The following CACNG3 variants were observed in gnomAD, a reference collection of about 807,000 sequenced individuals.
CACNG3 encodes voltage-dependent calcium channel gamma-3 subunit.
CACNG3 carries 3 observed loss-of-function variants against 28.5 expected under a neutral mutation model. The observed-to-expected ratio is 0.11, with a 90% confidence interval of 0.05 to 0.27. The LOEUF (loss-of-function observed/expected upper bound fraction) is 0.27. CACNG3 is among the 10% of genes least tolerant of loss of function. The pLI is 1.00. For missense variants in CACNG3, 236 were observed against 414.4 expected (o/e 0.57, Z 3.74); for synonymous variants, 174 against 162.2 (o/e 1.07, Z -0.55).
chr16:24,340,195 C>T (rs939902158), intron 1 of CACNG3, among the ~76,000 whole-genome samples: 1 of 152,024 alleles, frequency 6.6e-6, no homozygotes, highest in Non-Finnish European at 1.5e-5. Context: ...CGCTTGAACC[C>T]AGGAGTTCAA....
intron 1 of CACNG3, among the ~76,000 whole-genome samples, chr16:24,274,559 C>A (rs931888910): frequency 2.6e-5 from 4 of 152,074 alleles, no homozygotes; most frequent in Non-Finnish European, 5.9e-5. Context: ...TCTTTAGGAG[C>A]CTTAGGGAAG....
chr16:24,361,219 T>C lies in CACNG3; in HGVS notation c.437-133T>C, dbSNP rs1434505788. Reference sequence around the variant, plus strand: ...GACCATGCAAGAAGAACTAGGTGGTTGGATTTCCCAGCTATAATCCATTCT... The same window carrying C: ...GACCATGCAAGAAGAACTAGGTGGTCGGATTTCCCAGCTATAATCCATTCT... On this transcript the variant is annotated intron_variant, in intron 3 of 3. Transcript: ENST00000005284. The surrounding 1 kb of genome is among the most constrained non-coding windows in gnomAD (Gnocchi z 6.8). 1 of 708,324 alleles carries C rather than the reference T, an allele frequency of 1.4e-6. No individual in the cohort carries two copies. The allele number at this position is 708,324 out of a possible 1,614,324, so 43.9% of individuals were successfully genotyped here.
Position 24,267,256 on chromosome 16 carries a change from G to A in CACNG3, c.211+10291G>A, listed in dbSNP as rs184654613. 1.1e-4 allele frequency among the ~76,000 whole-genome samples: 17 copies of A among 152,060 alleles called. No individual in the cohort carries two copies. In the East Asian group the frequency reaches 1.5e-3, roughly 14 times the overall value. On this transcript the variant is annotated intron_variant, in intron 1 of 3. Transcript: ENST00000005284. Reference sequence around the variant, plus strand: ...GCTGGGATTACAGGTTTGAGCCACCGCACCTGGCCTATTTTTAATTTCTTA... The same window carrying A: ...GCTGGGATTACAGGTTTGAGCCACCACACCTGGCCTATTTTTAATTTCTTA...
At chr16:24,331,275 A>G (rs1030287944) in intron 1 of CACNG3, among the ~76,000 whole-genome samples, 3 of 152,200 alleles carry the variant, frequency 2.0e-5, no homozygotes, top group Admixed American at 6.5e-5. Flanking sequence ...AACACATTCA[A>G]TGGGCCGATC....
At chr16:24,339,744 CA>C (rs1433847183) in intron 1 of CACNG3, among the ~76,000 whole-genome samples, 2 of 152,160 alleles carry the variant, frequency 1.3e-5, no homozygotes, top group African/African-American at 4.8e-5. Flanking sequence ...AATTTTACTC[CA>C]TTTTTTTTCT....
At chr16:24,292,607 T>TCTCTCC (rs1433890909) in intron 1 of CACNG3, among the ~76,000 whole-genome samples, 5 of 152,074 alleles carry the variant, frequency 3.3e-5, no homozygotes, top group African/African-American at 9.7e-5. Flanking sequence ...CTGCCCAGAC[T>TCTCTCC]CTCTCCCTCT....
At chr16:24,332,954 G>A (rs539992585) in intron 1 of CACNG3, among the ~76,000 whole-genome samples, 58 of 152,290 alleles carry the variant, frequency 3.8e-4, no homozygotes, top group Admixed American at 2.5e-3. Context: ...CTGCTGGAGG[G>A]ACACAAGCTA....
At chr16:24,343,378 G>C (rs919153506) in intron 1 of CACNG3, among the ~76,000 whole-genome samples, 2 of 152,108 alleles carry the variant, frequency 1.3e-5, no homozygotes, top group Admixed American at 6.6e-5. Flanking sequence ...ATTTAGTAAG[G>C]TTCCCATTCC....
At chr16:24,281,268 T>G (rs1322504471) in intron 1 of CACNG3, among the ~76,000 whole-genome samples, 1 of 152,124 alleles carries the variant, frequency 6.6e-6, no homozygotes, top group East Asian at 1.9e-4. Context: ...GAATCTCAGC[T>G]CGCTGTAATC....
chr16:24,278,751 A>G (rs899528678), intron 1 of CACNG3, among the ~76,000 whole-genome samples: 2 of 152,226 alleles, frequency 1.3e-5, no homozygotes, highest in Non-Finnish European at 2.9e-5. Flanking sequence ...TCACAGATTA[A>G]AAACCTTAGG....
chr16:24,277,698 T>A (rs1898770713), intron 1 of CACNG3, among the ~76,000 whole-genome samples: 1 of 150,354 alleles, frequency 6.7e-6, no homozygotes, highest in Non-Finnish European at 1.5e-5. Flanking sequence ...GAGAATCGCT[T>A]GAACCCAGGA....
chr16:24,293,179 T>A (rs1214980065), intron 1 of CACNG3, among the ~76,000 whole-genome samples: 3 of 152,320 alleles, frequency 2.0e-5, no homozygotes, highest in East Asian at 3.9e-4. Flanking sequence ...TTATTTGAAA[T>A]CTTATCTGTT....
intron 1 of CACNG3, among the ~76,000 whole-genome samples, chr16:24,316,921 C>T (rs535240963): frequency 1.3e-5 from 2 of 152,288 alleles, no homozygotes; most frequent in African/African-American, 2.4e-5. Flanking sequence ...ATAACTTCCA[C>T]GAGTGTTAGT....
At chr16:24,298,490 T>A (rs1899063090) in intron 1 of CACNG3, among the ~76,000 whole-genome samples, 3 of 152,326 alleles carry the variant, frequency 2.0e-5, no homozygotes, top group South Asian at 2.1e-4. Context: ...TTATAGTATA[T>A]TTTTAAATAA....
chr16:24,352,342 A>G (rs376502165), intron 2 of CACNG3, among the ~76,000 whole-genome samples: 2 of 151,252 alleles, frequency 1.3e-5, no homozygotes, highest in East Asian at 4.0e-4. Flanking sequence ...AGGCTCCTCC[A>G]TTCACTCAGC....
chr16:24,268,347 G>T (rs903907523), intron 1 of CACNG3, among the ~76,000 whole-genome samples: 2 of 152,130 alleles, frequency 1.3e-5, no homozygotes, highest in African/African-American at 4.8e-5. Flanking sequence ...TGGTGACAGG[G>T]CTGGGATATA....
At chr16:24,293,695 T>C (rs1032745551) in intron 1 of CACNG3, among the ~76,000 whole-genome samples, 8 of 152,116 alleles carry the variant, frequency 5.3e-5, no homozygotes, top group African/African-American at 1.9e-4. Flanking sequence ...AACAGTTAAA[T>C]AGCCTGAAAC....
intron 1 of CACNG3, among the ~76,000 whole-genome samples, chr16:24,343,147 C>A (rs2141378517): frequency 6.6e-6 from 1 of 152,218 alleles, no homozygotes; most frequent in Middle Eastern, 3.4e-3. Flanking sequence ...TATGATTACA[C>A]CATTGCACTC....
chr16:24,271,295 C>T (rs942349375), intron 1 of CACNG3, among the ~76,000 whole-genome samples: 2 of 152,216 alleles, frequency 1.3e-5, no homozygotes, highest in Non-Finnish European at 2.9e-5. Context: ...TGAAGTAGCA[C>T]CTCATTAGCA....
Sources: allele counts gnomAD v4.1 joint callset (sites outside exome capture counted in the v4.1 genomes callset), GRCh38; gene constraint gnomAD v4.1.1; non-coding constraint Gnocchi (gnomAD v3.1); transcripts MANE v1.5; gene names NCBI Gene and HGNC (gene_info 2026-07-23, HGNC 2026-07-21).